The following DNAH8 variants were observed in gnomAD, a reference collection of about 807,000 sequenced individuals.
The protein encoded by DNAH8 is dynein axonemal heavy chain 8, also known as axonemal beta dynein heavy chain 8.
In DNAH8, 382 loss-of-function variants were observed where a neutral mutation model predicts 562.1. That is an observed-to-expected ratio of 0.68 (90% CI 0.63 to 0.74). The LOEUF (loss-of-function observed/expected upper bound fraction) is 0.74. Ranked by LOEUF, DNAH8 falls within the 30% of genes least tolerant of loss-of-function variation. The probability of loss-of-function intolerance (pLI) is 0.00; values close to 1 mark genes in which losing one functional copy is unlikely to be tolerated. For missense variants in DNAH8, 5,203 were observed against 5,620.4 expected, an observed-to-expected ratio of 0.93 and a Z score of 2.37; for synonymous variants, 1,881 against 1,919.4, an observed-to-expected ratio of 0.98 and a Z score of 0.52.
intron 14 of DNAH8, among the ~76,000 whole-genome samples, chr6:38,778,829 A>C (rs571723125): frequency 6.6e-6 from 1 of 152,316 alleles, no homozygotes; most frequent in African/African-American, 2.4e-5. Context: ...GAGATTATCT[A>C]AGAATAATAG....
At chr6:38,799,258 A>G (rs955129136) in intron 21 of DNAH8, among the ~76,000 whole-genome samples, 1 of 151,822 alleles carries the variant, frequency 6.6e-6, no homozygotes, top group East Asian at 1.9e-4. Context: ...TTTGGGTTCT[A>G]TGGAGAAAGT....
rs1468837648 is a variant in DNAH8, at chr6:38,852,776, C to T, written c.5549C>T (p.Ser1850Leu). ...TATGATCGCATCATGGCCGTCATAT[C>T]AAGAGAAGGAGAAAAAATTGTTGTA... ...KDYDRIMAVI[S>L]REGEKIVLDN... Residue 1850 changes from serine (S) to leucine (L), a missense_variant, in exon 40 of 93, where the codon TCA becomes TTA. This residue lies in a region of DNAH8 where 2,176 missense variants were observed against 2,365.1 expected (regional missense o/e 0.92). Coordinates refer to ENST00000327475, the MANE Select transcript of DNAH8 (RefSeq NM_001206927.2). 2 of 1,612,352 alleles carry T rather than the reference C, an allele frequency of 1.2e-6. No individual in the cohort carries two copies. Among genetic ancestry groups the T allele is most frequent in the South Asian group, 2.2e-5 (2 of 90,778 alleles).
chr6:38,940,060 C>T (rs1252409914), intron 79 of DNAH8, among the ~76,000 whole-genome samples: 1 of 152,152 alleles, frequency 6.6e-6, no homozygotes, highest in African/African-American at 2.4e-5. Context: ...GAAGGATTTT[C>T]TTGATCTGGG....
rs749298702 is a variant in DNAH8, at chr6:38,722,919, C to A, written c.110C>A (p.Pro37Gln). Reference sequence around the variant, plus strand: ...GAAGAGGAAGAGGCCCCGCGCCCTCCGACAGTGGAGGCCCCGGCAGAAGAT... The same window carrying A: ...GAAGAGGAAGAGGCCCCGCGCCCTCAGACAGTGGAGGCCCCGGCAGAAGAT... The part of the protein sequence containing the change: ...RSEEEEAPRP[P>Q]TVEAPAEDGF... Residue 37 changes from proline (P) to glutamine (Q), a missense_variant, in exon 2 of 93, where the codon CCG becomes CAG. Around this residue, in one of 6 missense-constraint regions of DNAH8, gnomAD observed 556 missense variants for 496.9 expected, o/e 1.12. Transcript: ENST00000327475. 6 of 1,612,402 alleles carry A rather than the reference C, an allele frequency of 3.7e-6. No individual in the cohort carries two copies. The highest frequency in any genetic ancestry group is 1.1e-5 in the South Asian group (1 of 91,062).
chr6:38,964,355 G>GGA (rs1762830379), intron 82 of DNAH8, among the ~76,000 whole-genome samples: 1 of 24,750 alleles, frequency 4.0e-5, no homozygotes, highest in Non-Finnish European at 7.4e-5. Flanking sequence ...CTCCCGGGGG[G>GGA]GCTGACCCCC....
At chr6:38,733,928 A>T (rs1284568504) in intron 4 of DNAH8, among the ~76,000 whole-genome samples, 1 of 150,378 alleles carries the variant, frequency 6.6e-6, no homozygotes, top group Non-Finnish European at 1.5e-5. Flanking sequence ...AAAAAGAAAA[A>T]GAAAAAAAAA....
chr6:38,804,224 GAA>G (rs1771047638), intron 22 of DNAH8, among the ~76,000 whole-genome samples: 1 of 152,182 alleles, frequency 6.6e-6, no homozygotes, highest in South Asian at 2.1e-4. Context: ...GGAATTTTAA[GAA>G]AAGATTCCCT....
At chr6:38,812,802 G>A (rs921047852) in intron 24 of DNAH8, among the ~76,000 whole-genome samples, 1 of 152,048 alleles carries the variant, frequency 6.6e-6, no homozygotes, top group Non-Finnish European at 1.5e-5. Flanking sequence ...TATCTACACA[G>A]TATTCACGTG....
intron 4 of DNAH8, among the ~76,000 whole-genome samples, chr6:38,731,514 T>A (rs1241233946): frequency 6.6e-6 from 1 of 152,210 alleles, no homozygotes; most frequent in Non-Finnish European, 1.5e-5. Flanking sequence ...TTTAGGTTGT[T>A]TACAACTTTT....
chr6:38,984,455 C>T (rs1764237895), intron 87 of DNAH8, 148 bp downstream of exon 87: 3 of 613,878 alleles, frequency 4.9e-6, no homozygotes, highest in Non-Finnish European at 8.8e-6. Context: ...TGCGCTTACA[C>T]ACACGCACAC....
chr6:38,832,392 T>C lies in DNAH8; in HGVS notation c.4259T>C (p.Val1420Ala). ...AGCAATCTACTTGAGTCTGTGGAAGTTTTTCGTGAGGACGTGATAAACTTT... is the reference window on the plus strand; with the variant it reads ...AGCAATCTACTTGAGTCTGTGGAAGCTTTTCGTGAGGACGTGATAAACTTT... Reference protein sequence around the residue: ...FKSNLLESVEVFREDVINFAE... With the variant: ...FKSNLLESVEAFREDVINFAE... Residue 1420 changes from valine to alanine, a missense_variant, in exon 31 of 93, where the codon GTT (valine) becomes GCT (alanine). Physicochemically the swap from Val to Ala is moderately conservative, Grantham distance 64 (BLOSUM62 0). Coordinates refer to ENST00000327475, the MANE Select transcript of DNAH8 (RefSeq NM_001206927.2). 1.2e-6 allele frequency: 2 copies of C among 1,613,674 alleles called. No homozygotes were observed. The highest frequency in any genetic ancestry group is 2.2e-5 in the East Asian group (1 of 44,834).
chr6:38,984,258 GC>G lies in DNAH8; in HGVS notation c.13005del (p.Arg4336GlufsTer2). 6.2e-7 allele frequency: 1 copy of G among 1,610,996 alleles called. No individual in the cohort carries two copies. Among genetic ancestry groups the G allele is most frequent in the Non-Finnish European group, 8.5e-7 (1 of 1,177,176 alleles). ...ATGATCGGAGAAGTACAATATGGAG[GC>G]AGAGTGACAGATGACTTTGACAAAC... is the stretch of plus-strand genomic sequence containing the variant. Reference protein sequence around the residue: ...RYMIGEVQYGGRVTDDFDKRL... With the variant: ...RYMIGEVQYGXRVTDDFDKRL... On this transcript the variant is annotated frameshift_variant, in exon 87 of 93. Coordinates refer to ENST00000327475, the MANE Select transcript of DNAH8 (RefSeq NM_001206927.2). LOFTEE classifies it high-confidence loss of function.
At chr6:38,896,432 G>T (rs1309501401) in intron 60 of DNAH8, among the ~76,000 whole-genome samples, 1 of 151,684 alleles carries the variant, frequency 6.6e-6, no homozygotes, top group African/African-American at 2.4e-5. Context: ...AAAATTAGTC[G>T]GGTGTGGTGG....
intron 30 of DNAH8, among the ~76,000 whole-genome samples, chr6:38,831,429 T>TC (rs1349564623): frequency 2.8e-5 from 1 of 35,856 alleles, no homozygotes; most frequent in East Asian, 8.8e-4. Context: ...AGACACCATC[T>TC]CAAAAAAAAA....
rs1767608263 is a variant in DNAH8 at position 39,030,564 on chromosome 6, T to C, written c.*172T>C. 5 of 569,802 alleles carry C rather than the reference T, an allele frequency of 8.8e-6. No homozygotes were observed. The South Asian group carries it at 1.2e-4, about 14-fold the overall frequency. 35.3% of individuals were successfully genotyped at this position (569,802 alleles called of 1,614,324 possible). On this transcript the variant is annotated 3_prime_UTR_variant, in exon 93 of 93. Transcript: ENST00000327475. ...CGTGTGTGTTTTCCTCACATATCAA[T>C]ATTCAAAAAGATAACTCTAAATGAA...
intron 91 of DNAH8, among the ~76,000 whole-genome samples, chr6:39,018,623 G>T (rs1053269272): frequency 6.6e-6 from 1 of 152,198 alleles, no homozygotes; most frequent in Admixed American, 6.5e-5. Context: ...GCCATGATCT[G>T]CCCATCTTCC....
intron 91 of DNAH8, among the ~76,000 whole-genome samples, chr6:39,021,439 T>C (rs1174821732): frequency 6.6e-6 from 1 of 152,236 alleles, no homozygotes; most frequent in Non-Finnish European, 1.5e-5. Context: ...TGATTGTATT[T>C]ATCTGAGCTG....
chr6:38,732,153 G>A (rs1028223736), intron 4 of DNAH8, among the ~76,000 whole-genome samples: 18 of 152,134 alleles, frequency 1.2e-4, no homozygotes, highest in Non-Finnish European at 2.6e-4. Context: ...GTGTCATTAC[G>A]TAAAGATTTA....
At chr6:39,023,415 C>A (rs2150794254) in intron 91 of DNAH8, among the ~76,000 whole-genome samples, 1 of 152,244 alleles carries the variant, frequency 6.6e-6, no homozygotes. Flanking sequence ...GTGGTGTGAA[C>A]CCGGGAGGTG....
Sources: gnomAD v4.1 joint callset for allele counts (sites outside exome capture counted in the v4.1 genomes callset) on GRCh38, gnomAD v4.1.1 for gene constraint, gnomAD v4.1.1 regional missense constraint, MANE v1.5 for transcripts, NCBI Gene and HGNC (gene_info 2026-07-23, HGNC 2026-07-21) for gene names.